Variants in PRMT8 observed in about 807,000 individuals in gnomAD.
PRMT8 encodes the protein protein arginine methyltransferase 8, also known as protein arginine N-methyltransferase 8.
Under a neutral mutation model 47.1 loss-of-function variants are expected in PRMT8, and 7 were observed. The ratio of observed to expected loss-of-function variants is 0.15; its 90% CI spans 0.08 to 0.28. The LOEUF is 0.28. Among genes scored for constraint, PRMT8 ranks in the 10% least tolerant of loss-of-function variants. The probability of loss-of-function intolerance (pLI) is 1.00; values close to 1 mark genes in which losing one functional copy is unlikely to be tolerated. For missense variants in PRMT8, 237 were observed against 505.4 expected (o/e 0.47, Z 5.09); for synonymous variants, 188 against 186.5 (o/e 1.01, Z -0.07).
rs1252593876 is a variant in PRMT8 at position 3,583,090 on chromosome 12, G to A, written c.861G>A (p.Glu287=). ...ACATTTACACAGTGAAGACGGAAGA[G>A]CTATCGTTCACATCTGCATTCTGCC... is the stretch of plus-strand genomic sequence containing the variant. The part of the protein sequence containing the change: ...EVDIYTVKTE[E]LSFTSAFCLQ... Residue 287 remains glutamate (E), a synonymous_variant, in exon 8 of 10, where the codon GAG becomes GAA. Transcript: ENST00000382622. The surrounding 1 kb of genome is among the most constrained non-coding windows in gnomAD (Gnocchi z 4.7). 6.2e-7 allele frequency: 1 copy of A among 1,614,066 alleles called. No homozygotes were observed. Among genetic ancestry groups the A allele is most frequent in the Admixed American group, 1.7e-5 (1 of 60,008 alleles).
chr12:3,511,122 C>T (rs976428646), intron 1 of PRMT8, among the ~76,000 whole-genome samples: 1 of 152,090 alleles, frequency 6.6e-6, no homozygotes. Context: ...TTACATTTTG[C>T]TCTTATAACC....
rs777020168 is a variant in PRMT8 at position 3,568,795 on chromosome 12, C to T, written c.571C>T (p.Leu191=). The change falls in exon 5 of 10, where the codon CTG becomes TTG. Residue 191 remains leucine (L), a synonymous_variant. Transcript: ENST00000382622. ...IIISEWMGYC[L]FYESMLNTVI... ...CATCAGCGAGTGGATGGGCTACTGT[C>T]TGTTCTATGAGTCCATGCTCAACAC... is the stretch of plus-strand genomic sequence containing the variant. The T allele has an allele frequency of 2.5e-6, 4 of 1,614,094 alleles. No individual in the cohort carries two copies. In the East Asian group the frequency reaches 6.7e-5, roughly 27 times the overall value.
At chr12:3,561,351 G>A (rs186105813) in intron 4 of PRMT8, among the ~76,000 whole-genome samples, 13 of 152,322 alleles carry the variant, frequency 8.5e-5, no homozygotes, top group African/African-American at 2.9e-4. Context: ...ACAATCTGTT[G>A]TCTATTCACA....
At chr12:3,448,571 T>C (rs1347682060) in intron 1 of PRMT8, among the ~76,000 whole-genome samples, 2 of 152,302 alleles carry the variant, frequency 1.3e-5, no homozygotes, top group Non-Finnish European at 2.9e-5. Flanking sequence ...CAGTGCATTG[T>C]AGACGGTGAG....
intron 7 of PRMT8, among the ~76,000 whole-genome samples, chr12:3,578,240 TGA>T (rs1267651247): frequency 1.3e-5 from 2 of 152,128 alleles, no homozygotes; most frequent in Non-Finnish European, 2.9e-5. Flanking sequence ...ATTTTTTTTT[TGA>T]GACAGGATCT....
At chr12:3,567,563 T>C (rs1313018338) in intron 4 of PRMT8, among the ~76,000 whole-genome samples, 1 of 152,182 alleles carries the variant, frequency 6.6e-6, no homozygotes, top group Non-Finnish European at 1.5e-5. Context: ...TCATGTCATA[T>C]CAGATCTGGG....
rs1369443881 is a variant in PRMT8, at chr12:3,593,250, A to G, written c.*68A>G. On this transcript the variant is annotated 3_prime_UTR_variant, in exon 10 of 10. Coordinates refer to ENST00000382622, the MANE Select transcript of PRMT8 (RefSeq NM_019854.5). The surrounding 1 kb of genome is among the most constrained non-coding windows in gnomAD (Gnocchi z 4.8). ...CACCTCGATCTGCCGTGCCGTCCCA[A>G]AGAATACCGTTTGCAGGACTACACA... 4 of 1,340,946 alleles carry G rather than the reference A, an allele frequency of 3.0e-6. No homozygotes were observed. Among genetic ancestry groups the G allele is most frequent in the Admixed American group, 3.9e-5 (2 of 51,336 alleles). The allele number at this position is 1,340,946 out of a possible 1,614,324, so 83.1% of individuals were successfully genotyped here. A position where few individuals can be genotyped will look rare whatever the true frequency, so the allele number is the denominator to read the frequency against.
intron 1 of PRMT8, among the ~76,000 whole-genome samples, chr12:3,511,936 GC>G (rs1419194102): frequency 6.6e-6 from 1 of 152,224 alleles, no homozygotes; most frequent in Non-Finnish European, 1.5e-5. Flanking sequence ...CAGGACATAG[GC>G]CTGAGCCAGG....
At chr12:3,473,326 G>C (rs999809780) in intron 1 of PRMT8, among the ~76,000 whole-genome samples, 7 of 152,196 alleles carry the variant, frequency 4.6e-5, no homozygotes, top group Non-Finnish European at 7.4e-5. Flanking sequence ...GGACCTCCAG[G>C]CTTCTCCATG....
chr12:3,455,869 C>G (rs978042163), intron 1 of PRMT8, among the ~76,000 whole-genome samples: 4 of 152,322 alleles, frequency 2.6e-5, no homozygotes, highest in Non-Finnish European at 5.9e-5. Context: ...CCCCCTACCA[C>G]ACCCCTCAGT....
chr12:3,399,572 C>A (rs1268491403), intron 1 of PRMT8, among the ~76,000 whole-genome samples: 1 of 152,146 alleles, frequency 6.6e-6, no homozygotes, highest in Admixed American at 6.5e-5. Flanking sequence ...TACAGAAAAC[C>A]ATATCAGGAA....
rs1866938036 is a variant in PRMT8 at position 3,576,087 on chromosome 12, C to A, written c.713-784C>A. On this transcript the variant is annotated intron_variant, in intron 6 of 9. Coordinates refer to ENST00000382622, the MANE Select transcript of PRMT8 (RefSeq NM_019854.5). The surrounding 1 kb of genome is among the most constrained non-coding windows in gnomAD (Gnocchi z 4.0). ...AGACTTGAATTAATTTCTCACCAACCCCCTAGATCTTTCTCCCTCCCATAC... is the reference window on the plus strand; with the variant it reads ...AGACTTGAATTAATTTCTCACCAACACCCTAGATCTTTCTCCCTCCCATAC... Among the ~76,000 whole-genome samples, 1 of 152,158 alleles carries A rather than the reference C, an allele frequency of 6.6e-6. No individual in the cohort carries two copies. The highest frequency in any genetic ancestry group is 1.5e-5 in the Non-Finnish European group (1 of 68,028).
chr12:3,587,044 C>T (rs1324557712), intron 8 of PRMT8, among the ~76,000 whole-genome samples: 3 of 152,178 alleles, frequency 2.0e-5, no homozygotes, highest in Non-Finnish European at 4.4e-5. Context: ...TATATTCTGA[C>T]AACTGACCGA....
At chr12:3,488,748 A>C (rs1865345249), upstream of PRMT8, among the ~76,000 whole-genome samples, 1 of 152,224 alleles carries the variant, frequency 6.6e-6, no homozygotes, top group African/African-American at 2.4e-5. Flanking sequence ...ATAGAGAAAG[A>C]CTGAATTCAC....
rs551850630 is a variant in PRMT8, at chr12:3,514,216, T to A, written c.75+22516T>A. Among the ~76,000 whole-genome samples, 321 of 152,130 alleles carry A rather than the reference T, an allele frequency of 2.1e-3. No homozygotes were observed. The highest frequency in any genetic ancestry group is 3.6e-3 in the Non-Finnish European group (246 of 67,966). On this transcript the variant is annotated intron_variant, in intron 1 of 9. Coordinates refer to ENST00000382622, the MANE Select transcript of PRMT8 (RefSeq NM_019854.5). The surrounding 1 kb of genome is among the most constrained non-coding windows in gnomAD (Gnocchi z 5.9). ...CCTCTCTGAATTCATCCTGCCTTTT[T>A]TTTTTTTTTCTGTTACCCCTAAGGT... is the stretch of plus-strand genomic sequence containing the variant.
upstream of PRMT8, among the ~76,000 whole-genome samples, chr12:3,488,870 A>G (rs1865346541): frequency 2.0e-5 from 3 of 152,362 alleles, no homozygotes; most frequent in South Asian, 6.2e-4. Flanking sequence ...TGTATAACAA[A>G]TCACCCCAAA....
chr12:3,520,656 A>G (rs1052092381), intron 1 of PRMT8, among the ~76,000 whole-genome samples: 6 of 152,210 alleles, frequency 3.9e-5, no homozygotes, highest in Non-Finnish European at 8.8e-5. Flanking sequence ...AAACACAATA[A>G]CTATGCTGTC....
intron 1 of PRMT8, among the ~76,000 whole-genome samples, chr12:3,482,521 T>C (rs895582242): frequency 1.3e-5 from 2 of 152,196 alleles, no homozygotes; most frequent in Non-Finnish European, 2.9e-5. Flanking sequence ...CCTGCAAATA[T>C]GGTGTGCAAG....
intron 1 of PRMT8, among the ~76,000 whole-genome samples, chr12:3,404,440 C>G (rs1414336287): frequency 6.6e-6 from 1 of 152,102 alleles, no homozygotes; most frequent in Non-Finnish European, 1.5e-5. Context: ...TGAGTTATCG[C>G]TAAGTGAACA....
Sources: allele counts gnomAD v4.1 joint callset (sites outside exome capture counted in the v4.1 genomes callset), GRCh38; gene constraint gnomAD v4.1.1; non-coding constraint Gnocchi (gnomAD v3.1); transcripts MANE v1.5; gene names NCBI Gene and HGNC (gene_info 2026-07-23, HGNC 2026-07-21).